Variants in ANKRD13C observed in about 807,000 individuals in gnomAD.
The protein encoded by ANKRD13C is ankyrin repeat domain 13C, also known as ankyrin repeat domain-containing protein 13C.
A neutral mutation model predicts 65.5 loss-of-function variants in ANKRD13C; 16 were observed. That is an observed-to-expected ratio of 0.24 (90% confidence interval 0.17 to 0.37). The LOEUF is 0.37. ANKRD13C is among the 10% of genes least tolerant of loss of function. The pLI is 1.00. For missense variants in ANKRD13C, 503 were observed against 655.9 expected, an observed-to-expected ratio of 0.77 and a Z score of 2.55; for synonymous variants, 235 against 238.7, an observed-to-expected ratio of 0.98 and a Z score of 0.14.
intron 5 of ANKRD13C, among the ~76,000 whole-genome samples, chr1:70,309,681 G>T (rs1399063134): frequency 2.0e-5 from 3 of 146,358 alleles, no homozygotes; most frequent in Non-Finnish European, 4.5e-5. Flanking sequence ...AGCCGAGATC[G>T]CGCTAGCCTG....
At chr1:70,289,227 T>C (rs548144042) in intron 9 of ANKRD13C, among the ~76,000 whole-genome samples, 46 of 152,334 alleles carry the variant, frequency 3.0e-4, no homozygotes, top group Middle Eastern at 3.4e-3. Context: ...TATCTGGCAT[T>C]AAACTATGTT....
chr1:70,324,491 C>T (rs766621102), intron 3 of ANKRD13C, among the ~76,000 whole-genome samples: 2 of 152,132 alleles, frequency 1.3e-5, no homozygotes, highest in African/African-American at 4.8e-5. Flanking sequence ...TATTGTAACA[C>T]TATGGTTATT....
chr1:70,352,339 CAAAAAA>C (rs397965041), intron 1 of ANKRD13C, among the ~76,000 whole-genome samples: 1 of 60,796 alleles, frequency 1.6e-5, no homozygotes, highest in African/African-American at 6.7e-5. Flanking sequence ...GACTCCGTCT[CAAAAAA>C]AAAAAAAAAA....
At position 70,260,261 on chromosome 1, in the gene ANKRD13C, A is replaced by G. The variant is rs536444402; in HGVS notation, c.*2456T>C. ...AAGTTTGGCAATTCTCTGTATGTGA[A>G]TATCTACAGAGGGCAAATTGTCTCA... On this transcript the variant is annotated 3_prime_UTR_variant, in exon 13 of 13. Transcript: ENST00000370944. Among the ~76,000 whole-genome samples the G allele has an allele frequency of 2.2e-4, 33 of 152,286 alleles. No homozygotes were observed. Among genetic ancestry groups the G allele is most frequent in the Non-Finnish European group, 4.1e-4 (28 of 67,986 alleles).
chr1:70,350,501 T>C (rs1423325817), intron 1 of ANKRD13C, among the ~76,000 whole-genome samples: 3 of 152,204 alleles, frequency 2.0e-5, no homozygotes, highest in Non-Finnish European at 4.4e-5. Flanking sequence ...AGTAGCCCAT[T>C]TATTTGGGCC....
intron 2 of ANKRD13C, among the ~76,000 whole-genome samples, chr1:70,329,987 G>A (rs752274546): frequency 8.6e-5 from 13 of 151,736 alleles, no homozygotes; most frequent in Non-Finnish European, 1.6e-4. Context: ...CTACTCAGGA[G>A]GCTGAGGCAG....
At chr1:70,321,015 C>G (rs1292491591) in intron 3 of ANKRD13C, among the ~76,000 whole-genome samples, 1 of 152,168 alleles carries the variant, frequency 6.6e-6, no homozygotes, top group African/African-American at 2.4e-5. Flanking sequence ...AGCAATCTGC[C>G]TGCTTTGGCC....
chr1:70,263,068 T>C (rs1372971808), intron 12 of ANKRD13C, among the ~76,000 whole-genome samples: 2 of 152,030 alleles, frequency 1.3e-5, no homozygotes, highest in Non-Finnish European at 2.9e-5. Context: ...GCATCCAGCA[T>C]TATATTGAAA....
In ANKRD13C at chr1:70,354,690, G is replaced by T. The variant is rs1449822340; in HGVS notation, c.-282C>A. ...GCAGCCGCCGTCGCTGCCTTACACCGAAAAACAGGGCACGGCCATCTTCCT... is the reference window on the plus strand; with the variant it reads ...GCAGCCGCCGTCGCTGCCTTACACCTAAAAACAGGGCACGGCCATCTTCCT... On this transcript the variant is annotated 5_prime_UTR_variant, in exon 1 of 13. It introduces an in-frame stop codon into an upstream open reading frame of the 5' UTR. Transcript: ENST00000370944. 1 of 766,196 alleles carries T rather than the reference G, an allele frequency of 1.3e-6. No homozygotes were observed. Among genetic ancestry groups the T allele is most frequent in the East Asian group, 2.7e-5 (1 of 36,964 alleles). The allele number at this position is 766,196 out of a possible 1,614,324, so 47.5% of individuals were successfully genotyped here.
intron 1 of ANKRD13C, among the ~76,000 whole-genome samples, chr1:70,342,497 A>G (rs1220463745): frequency 1.3e-5 from 2 of 152,084 alleles, no homozygotes; most frequent in African/African-American, 4.8e-5. Context: ...GAGATCGCCC[A>G]TTGCACTCCA....
At chr1:70,265,641 G>A (rs1678583415) in intron 12 of ANKRD13C, among the ~76,000 whole-genome samples, 1 of 151,562 alleles carries the variant, frequency 6.6e-6, no homozygotes, top group Non-Finnish European at 1.5e-5. Flanking sequence ...GGGCAACAAA[G>A]TGTTGAGACC....
At position 70,291,313 on chromosome 1, in the gene ANKRD13C, G is replaced by T. The variant is rs141043065; in HGVS notation, c.1215+1075C>A. Among the ~76,000 whole-genome samples the T allele has an allele frequency of 4.8e-3, 729 of 152,258 alleles. 8 individuals are homozygous for T. Among genetic ancestry groups the T allele is most frequent in the African/African-American group, 0.017 (712 of 41,550 alleles). On this transcript the variant is annotated intron_variant, in intron 9 of 12. Transcript: ENST00000370944. ...TGGGATTACAGGTGTAAGCCACCAC[G>T]CCTGGGCCCATCTGGGAAATCTTGA...
chr1:70,272,760 G>A (rs1678948939), intron 11 of ANKRD13C, among the ~76,000 whole-genome samples: 1 of 151,732 alleles, frequency 6.6e-6, no homozygotes, highest in Admixed American at 6.6e-5. Context: ...AGGCCCAGGT[G>A]GACAGATCAC....
rs1270197911 is a variant in ANKRD13C, at chr1:70,261,248, A to G, written c.*1469T>C. On this transcript the variant is annotated 3_prime_UTR_variant, in exon 13 of 13. Transcript: ENST00000370944. ...CAGTATGGAAGATGCAGCTTTAAAG[A>G]TGTTTATTTAAAATTTTTCTTACGG... 6.6e-6 allele frequency: 1 copy of G among 152,142 alleles called. No homozygotes were observed. The highest frequency in any genetic ancestry group is 1.5e-5 in the Non-Finnish European group (1 of 67,964). The allele number at this position is 152,142 out of a possible 1,614,324, so 9.4% of individuals were successfully genotyped here.
At chr1:70,324,561 A>G (rs574289517) in intron 3 of ANKRD13C, among the ~76,000 whole-genome samples, 24 of 152,304 alleles carry the variant, frequency 1.6e-4, no homozygotes, top group Non-Finnish European at 3.1e-4. Context: ...GTCAGGTATC[A>G]ATTTTTTTTT....
rs149559032 is a variant in ANKRD13C, at chr1:70,354,304, G to T, written c.105C>A (p.Gly35=). 4.5e-5 allele frequency: 73 copies of T among 1,613,690 alleles called. No homozygotes were observed. Among genetic ancestry groups the T allele is most frequent in the Non-Finnish European group, 6.0e-5 (71 of 1,180,000 alleles). ...CAATCCTGCTTCTGGTAAAGGTACC[G>T]CCGAGGGCAGCCGCCGCTTCCTCAT... ...PGDEEAAAAL[G]GTFTRSRIGK... is the part of the protein sequence containing the mutation. The change falls in exon 1 of 13, where the codon GGC becomes GGA. Residue 35 remains glycine, a synonymous_variant. Coordinates refer to ENST00000370944, the MANE Select transcript of ANKRD13C (RefSeq NM_030816.5).
At chr1:70,312,642 G>A (rs74085217) in intron 5 of ANKRD13C, among the ~76,000 whole-genome samples, 15 of 146,808 alleles carry the variant, frequency 1.0e-4, no homozygotes, top group African/African-American at 3.3e-4. Flanking sequence ...GTGCCTGGGC[G>A]ACAGAGTGAG....
At chr1:70,308,043 T>C (rs1354213635) in intron 5 of ANKRD13C, among the ~76,000 whole-genome samples, 1 of 152,222 alleles carries the variant, frequency 6.6e-6, no homozygotes, top group Non-Finnish European at 1.5e-5. Flanking sequence ...ATCAAAGTTC[T>C]TTCATGCTCA....
chr1:70,320,368 C>T (rs1257004852), intron 3 of ANKRD13C, among the ~76,000 whole-genome samples: 1 of 151,574 alleles, frequency 6.6e-6, no homozygotes, highest in African/African-American at 2.4e-5. Flanking sequence ...TCACTTTGTC[C>T]CAGGCTCCAG....
Sources: gnomAD v4.1 joint callset for allele counts (sites outside exome capture counted in the v4.1 genomes callset) on GRCh38, gnomAD v4.1.1 for gene constraint, MANE v1.5 for transcripts, NCBI Gene and HGNC (gene_info 2026-07-23, HGNC 2026-07-21) for gene names.